Variants in RAB3C observed in about 807,000 individuals in gnomAD.
RAB3C encodes the protein ras-related protein Rab-3C.
A neutral mutation model predicts 26.4 loss-of-function variants in RAB3C; 17 were observed. That is an observed-to-expected ratio of 0.64 (90% CI 0.44 to 0.97). The LOEUF is 0.97. Among genes scored for constraint, RAB3C ranks in the 50% least tolerant of loss-of-function variants. RAB3C has a pLI of 0.00. For missense variants in RAB3C, 242 were observed against 281.9 expected, an observed-to-expected ratio of 0.86 and a Z score of 1.01; for synonymous variants, 91 against 95.9, an observed-to-expected ratio of 0.95 and a Z score of 0.30.
At chr5:58,737,431 AT>A (rs1561305192) in intron 3 of RAB3C, among the ~76,000 whole-genome samples, 1,279 of 101,984 alleles carry the variant, frequency 0.013, 70 homozygotes, top group African/African-American at 0.034. Flanking sequence ...ATATATATAT[AT>A]ATATATATAT....
intron 3 of RAB3C, among the ~76,000 whole-genome samples, chr5:58,782,091 T>G (rs1156473354): frequency 1.3e-5 from 2 of 152,182 alleles, no homozygotes; most frequent in African/African-American, 2.4e-5. Flanking sequence ...ATTTGCATCC[T>G]CTTTTACCCC....
intron 1 of RAB3C, among the ~76,000 whole-genome samples, chr5:58,607,211 A>T (rs1366036487): frequency 6.6e-6 from 1 of 152,178 alleles, no homozygotes; most frequent in East Asian, 1.9e-4. Context: ...TGTAGAAAGG[A>T]CCTTAAGTGA....
intron 2 of RAB3C, among the ~76,000 whole-genome samples, chr5:58,684,854 C>T (rs192283457): frequency 6.6e-6 from 1 of 152,246 alleles, no homozygotes; most frequent in Non-Finnish European, 1.5e-5. Context: ...GCCATGTGGG[C>T]TCCTGGGTCA....
intron 2 of RAB3C, among the ~76,000 whole-genome samples, chr5:58,679,182 G>A (rs1203218293): frequency 6.6e-6 from 1 of 152,146 alleles, no homozygotes; most frequent in Non-Finnish European, 1.5e-5. Flanking sequence ...TGAAGGAGAA[G>A]CAGCAGGGTG....
At chr5:58,659,467 A>G (rs538436434) in intron 2 of RAB3C, among the ~76,000 whole-genome samples, 7 of 152,300 alleles carry the variant, frequency 4.6e-5, no homozygotes, top group African/African-American at 1.4e-4. Flanking sequence ...GAGGAAAAAT[A>G]AGCAATCTTT....
chr5:58,815,993 C>G (rs1445413278), intron 3 of RAB3C, among the ~76,000 whole-genome samples: 1 of 152,130 alleles, frequency 6.6e-6, no homozygotes, highest in Admixed American at 6.5e-5. Context: ...CAGGTGATTT[C>G]TTGCAAAACT....
At chr5:58,670,829 T>C (rs6865033) in intron 2 of RAB3C, among the ~76,000 whole-genome samples, 4,109 of 152,270 alleles carry the variant, frequency 0.027, 187 homozygotes, top group African/African-American at 0.093. Flanking sequence ...TGATCTCATT[T>C]CCACTATTGA....
chr5:58,627,442 G>A (rs1236528480), intron 2 of RAB3C, among the ~76,000 whole-genome samples: 2 of 77,478 alleles, frequency 2.6e-5, no homozygotes, highest in African/African-American at 1.1e-4. Context: ...TCCGCAGTCC[G>A]GCCTGGGCGA....
chr5:58,842,010 G>T (rs1206536699), intron 4 of RAB3C, among the ~76,000 whole-genome samples: 1 of 152,046 alleles, frequency 6.6e-6, no homozygotes, highest in Non-Finnish European at 1.5e-5. Flanking sequence ...GCTCTTTATT[G>T]GGATACAGAG....
chr5:58,616,889 G>A (rs1746835506), intron 1 of RAB3C, among the ~76,000 whole-genome samples: 1 of 152,106 alleles, frequency 6.6e-6, no homozygotes, highest in Non-Finnish European at 1.5e-5. Context: ...TAGGGCAGGT[G>A]TCAAGAACAT....
At chr5:58,850,764 G>A (rs77101132) in intron 4 of RAB3C, among the ~76,000 whole-genome samples, 3,757 of 152,228 alleles carry the variant, frequency 0.025, 166 homozygotes, top group African/African-American at 0.086. Context: ...GGTGCGCTAG[G>A]GGTTGAGGGA....
chr5:58,582,970 G>T, upstream of RAB3C: 2 of 1,147,462 alleles, frequency 1.7e-6, no homozygotes, highest in Non-Finnish European at 2.3e-6. Flanking sequence ...GTAGTTCACC[G>T]CTCGCCCGTT....
chr5:58,656,983 T>C (rs1747788959), intron 2 of RAB3C, among the ~76,000 whole-genome samples: 1 of 151,872 alleles, frequency 6.6e-6, no homozygotes, highest in Admixed American at 6.6e-5. Flanking sequence ...TGGAACCAAC[T>C]CAAATGCCCA....
intron 3 of RAB3C, among the ~76,000 whole-genome samples, chr5:58,820,652 C>T (rs539559605): frequency 4.6e-5 from 7 of 152,090 alleles, no homozygotes; most frequent in Admixed American, 6.5e-5. Context: ...TTCAAAATAA[C>T]GATTCTTTGT....
chr5:58,740,186 A>G (rs1321426640), intron 3 of RAB3C, among the ~76,000 whole-genome samples: 5 of 152,226 alleles, frequency 3.3e-5, no homozygotes, highest in African/African-American at 1.2e-4. Flanking sequence ...AAAGCAGTTC[A>G]GGAGCCCAGA....
Position 58,852,137 on chromosome 5 carries a change from T to A in RAB3C, c.*786T>A, listed in dbSNP as rs905446587. 2.6e-5 allele frequency: 4 copies of A among 151,928 alleles called. No homozygotes were observed. The highest frequency in any genetic ancestry group is 9.7e-5 in the African/African-American group (4 of 41,426). The allele number at this position is 151,928 out of a possible 1,614,324, so 9.4% of individuals were successfully genotyped here. Reference sequence around the variant, plus strand: ...ACATCATTGAACAGATTGAGACATATCTACTGAATGCCAGTTATGCAACAA... The same window carrying A: ...ACATCATTGAACAGATTGAGACATAACTACTGAATGCCAGTTATGCAACAA... On this transcript the variant is annotated 3_prime_UTR_variant, in exon 5 of 5. Transcript: ENST00000282878.
chr5:58,693,336 GTA>G (rs61291213), intron 2 of RAB3C, among the ~76,000 whole-genome samples: 2,923 of 111,706 alleles, frequency 0.026, 65 homozygotes, highest in Non-Finnish European at 0.034. Flanking sequence ...ATATATATGT[GTA>G]TATATATATA....
chr5:58,761,063 T>TCACA (rs3060342), intron 3 of RAB3C, among the ~76,000 whole-genome samples: 2,748 of 144,780 alleles, frequency 0.019, 94 homozygotes, highest in African/African-American at 0.066. Flanking sequence ...TCTCTCTCTC[T>TCACA]CACACACACA....
intron 2 of RAB3C, among the ~76,000 whole-genome samples, chr5:58,666,857 G>A (rs960350337): frequency 6.6e-6 from 1 of 152,204 alleles, no homozygotes; most frequent in South Asian, 2.1e-4. Context: ...ACAAAACTGG[G>A]TGGAAATATG....
Sources: allele counts gnomAD v4.1 joint callset (sites outside exome capture counted in the v4.1 genomes callset), GRCh38; gene constraint gnomAD v4.1.1; transcripts MANE v1.5; gene names NCBI Gene and HGNC (gene_info 2026-07-23, HGNC 2026-07-21).